Variants in COL23A1 observed in about 807,000 individuals in gnomAD.
COL23A1 encodes the protein collagen type XXIII alpha 1 chain.
COL23A1 carries 97 observed loss-of-function variants against 99.3 expected under a neutral mutation model. The observed-to-expected ratio is 0.98, with a 90% confidence interval of 0.83 to 1.16. The LOEUF (loss-of-function observed/expected upper bound fraction) is 1.16. COL23A1 is among the 50% of genes most tolerant of loss of function. The pLI, the probability that COL23A1 is intolerant of heterozygous loss-of-function variation, is 0.00. For missense variants in COL23A1, 762 were observed against 757.4 expected, an observed-to-expected ratio of 1.01 and a Z score of -0.07; for synonymous variants, 320 against 308.2, an observed-to-expected ratio of 1.04 and a Z score of -0.40.
chr5:178,315,899 G>C (rs1313531769), intron 2 of COL23A1, among the ~76,000 whole-genome samples: 2 of 149,864 alleles, frequency 1.3e-5, no homozygotes, highest in Non-Finnish European at 2.9e-5. Context: ...CCTTTGATTA[G>C]ATTACAACAA....
At chr5:178,584,308 C>CCACA (rs4045513) in intron 1 of COL23A1, among the ~76,000 whole-genome samples, 34,492 of 144,926 alleles carry the variant, frequency 0.24, 4,141 homozygotes, top group Non-Finnish European at 0.28. Flanking sequence ...CTGCACCTGG[C>CCACA]CACACACACA....
intron 2 of COL23A1, among the ~76,000 whole-genome samples, chr5:178,394,015 G>A (rs1013704828): frequency 6.6e-6 from 1 of 152,184 alleles, no homozygotes. Flanking sequence ...CTGACAGAAG[G>A]ATGGGACATA....
chr5:178,570,453 T>C (rs1321356097), intron 1 of COL23A1, among the ~76,000 whole-genome samples: 1 of 152,160 alleles, frequency 6.6e-6, no homozygotes, highest in Non-Finnish European at 1.5e-5. Flanking sequence ...TATGTACATA[T>C]GTACACTATG....
chr5:178,505,732 A>C (rs1758832253), intron 2 of COL23A1, among the ~76,000 whole-genome samples: 2 of 152,154 alleles, frequency 1.3e-5, no homozygotes, highest in Admixed American at 6.5e-5. Flanking sequence ...ACACGAAGGT[A>C]ATCTGCAGAC....
At chr5:178,517,873 CTTTTTTTTTTTTT>C (rs71577021) in intron 2 of COL23A1, among the ~76,000 whole-genome samples, 23 of 97,734 alleles carry the variant, frequency 2.4e-4, no homozygotes, top group African/African-American at 1.0e-3. Context: ...AACAGCGGTT[CTTTTTTTTTTTTT>C]TTTTTTTTTT....
In COL23A1 at chr5:178,513,349, T is replaced by A. The variant is rs938420818; in HGVS notation, c.361+47333A>T. On this transcript the variant is annotated intron_variant, in intron 2 of 28. Coordinates refer to ENST00000390654, the MANE Select transcript of COL23A1 (RefSeq NM_173465.4). ...GGACTCAGTTTACAAATGATGACACTGAGGCACAGAGCTTAAGTAGCTAGC... is the reference window on the plus strand; with the variant it reads ...GGACTCAGTTTACAAATGATGACACAGAGGCACAGAGCTTAAGTAGCTAGC... Among the ~76,000 whole-genome samples the A allele has an allele frequency of 2.0e-5, 3 of 152,286 alleles. No homozygotes were observed. The South Asian group carries it at 6.2e-4, about 32-fold the overall frequency.
chr5:178,512,335 T>C (rs1562039979), intron 2 of COL23A1, among the ~76,000 whole-genome samples: 1 of 152,240 alleles, frequency 6.6e-6, no homozygotes, highest in Non-Finnish European at 1.5e-5. Context: ...GAGAACTTTA[T>C]CTATACATTG....
At chr5:178,405,766 A>C (rs557418403) in intron 2 of COL23A1, among the ~76,000 whole-genome samples, 1 of 152,354 alleles carries the variant, frequency 6.6e-6, no homozygotes, top group African/African-American at 2.4e-5. Flanking sequence ...AACCACTAGG[A>C]GTAATGGAAG....
At chr5:178,294,676 A>G (rs1033988383) in intron 3 of COL23A1, among the ~76,000 whole-genome samples, 5 of 152,386 alleles carry the variant, frequency 3.3e-5, no homozygotes, top group African/African-American at 1.2e-4. Context: ...TTACATGTTA[A>G]GAAAACCATA....
chr5:178,576,469 G>C (rs1157665988), intron 1 of COL23A1, among the ~76,000 whole-genome samples: 4 of 152,146 alleles, frequency 2.6e-5, no homozygotes, highest in Non-Finnish European at 4.4e-5. Context: ...TCCTGACCTC[G>C]TGATCCACCC....
At chr5:178,368,972 G>A (rs1186713948) in intron 2 of COL23A1, among the ~76,000 whole-genome samples, 1 of 152,258 alleles carries the variant, frequency 6.6e-6, no homozygotes, top group Non-Finnish European at 1.5e-5. Context: ...GGGGAGACAA[G>A]GAAATGAATG....
intron 2 of COL23A1, among the ~76,000 whole-genome samples, chr5:178,406,385 T>C (rs1261704876): frequency 1.3e-5 from 2 of 151,924 alleles, no homozygotes; most frequent in Non-Finnish European, 2.9e-5. Context: ...TTCCTTATAT[T>C]AATCTCCAAA....
chr5:178,560,245 A>G (rs1007141067), intron 2 of COL23A1, among the ~76,000 whole-genome samples: 6 of 152,208 alleles, frequency 3.9e-5, no homozygotes, highest in African/African-American at 1.4e-4. Flanking sequence ...CCACCGCAAG[A>G]AATGAAAACA....
At chr5:178,577,498 C>G (rs1350591575) in intron 1 of COL23A1, among the ~76,000 whole-genome samples, 1 of 152,238 alleles carries the variant, frequency 6.6e-6, no homozygotes, top group East Asian at 1.9e-4. Context: ...AGCTCAGGCA[C>G]TCACCGAGGA....
intron 1 of COL23A1, among the ~76,000 whole-genome samples, chr5:178,585,857 A>T (rs556689630): frequency 1.3e-5 from 2 of 152,340 alleles, no homozygotes; most frequent in Non-Finnish European, 2.9e-5. Context: ...GATTGGCCAA[A>T]GCCTCCTATG....
intron 2 of COL23A1, among the ~76,000 whole-genome samples, chr5:178,538,650 TG>T (rs1202170220): frequency 6.6e-6 from 1 of 152,222 alleles, no homozygotes; most frequent in Non-Finnish European, 1.5e-5. Flanking sequence ...CTGTTAAATA[TG>T]CTTTGGTATA....
intron 2 of COL23A1, among the ~76,000 whole-genome samples, chr5:178,504,631 C>T (rs2127989172): frequency 6.6e-6 from 1 of 152,288 alleles, no homozygotes; most frequent in South Asian, 2.1e-4. Flanking sequence ...CCCCCATCTG[C>T]AGGTCCTAGA....
intron 2 of COL23A1, among the ~76,000 whole-genome samples, chr5:178,470,481 A>G (rs1756681625): frequency 2.0e-5 from 3 of 152,166 alleles, no homozygotes. Context: ...CCCAGACCCC[A>G]GCCAGAAGCC....
chr5:178,265,823 G>A (rs1165449832), intron 8 of COL23A1: 7 of 464,770 alleles, frequency 1.5e-5, no homozygotes, highest in Non-Finnish European at 1.7e-5. Context: ...ACTTAACCAA[G>A]CCCAGAGAAA....
Sources: allele counts gnomAD v4.1 joint callset (sites outside exome capture counted in the v4.1 genomes callset), GRCh38; gene constraint gnomAD v4.1.1; transcripts MANE v1.5; gene names NCBI Gene and HGNC (gene_info 2026-07-23, HGNC 2026-07-21).